Variants in CDH12 observed in about 807,000 individuals in gnomAD.
CDH12 encodes the protein cadherin-12.
A neutral mutation model predicts 74.1 loss-of-function variants in CDH12; 41 were observed. The ratio of observed to expected loss-of-function variants is 0.55; its 90% confidence interval spans 0.43 to 0.72. CDH12 has a LOEUF of 0.72. CDH12 is among the 30% of genes least tolerant of loss of function. CDH12 has a pLI of 0.00. For synonymous variants in CDH12, 399 were observed against 355.0 expected, an observed-to-expected ratio of 1.12 and a Z score of -1.39; for missense variants, 945 against 977.2, an observed-to-expected ratio of 0.97 and a Z score of 0.44.
chr5:22,298,036 G>A (rs1258729349), intron 3 of CDH12, among the ~76,000 whole-genome samples: 2 of 151,228 alleles, frequency 1.3e-5, no homozygotes, highest in African/African-American at 4.8e-5. Flanking sequence ...TTTGTTAATG[G>A]GAAATTCAAA....
chr5:21,805,382 G>A (rs1323446893), intron 9 of CDH12, among the ~76,000 whole-genome samples: 1 of 152,110 alleles, frequency 6.6e-6, no homozygotes, highest in Admixed American at 6.6e-5. Flanking sequence ...TAAAAGAGAT[G>A]AGATGTATTC....
In CDH12 at chr5:21,975,380, A is replaced by G. The variant is rs1390518336; in HGVS notation, c.237T>C (p.His79=). The part of the protein sequence containing the change: ...GSEPQYVGKL[H]SDLDKGEGTV... ...TGCCCTCTCCCTTGTCTAAGTCGGA[A>G]TGGAGCTTTAGGGAAGAGAAGGAGA... Residue 79 remains histidine (H), a synonymous_variant, in exon 6 of 15, where the codon CAT becomes CAC. Transcript: ENST00000382254. The G allele has an allele frequency of 4.4e-6, 7 of 1,589,162 alleles. No individual in the cohort carries two copies. Among genetic ancestry groups the G allele is most frequent in the Non-Finnish European group, 6.0e-6 (7 of 1,176,444 alleles).
chr5:21,913,821 C>G (rs1159197169), intron 6 of CDH12, among the ~76,000 whole-genome samples: 1 of 151,878 alleles, frequency 6.6e-6, no homozygotes, highest in African/African-American at 2.4e-5. Flanking sequence ...TGTAGTGGGA[C>G]TACAGGTATG....
chr5:21,841,931 C>G (rs144186029), intron 8 of CDH12, among the ~76,000 whole-genome samples: 1 of 150,500 alleles, frequency 6.6e-6, no homozygotes. Flanking sequence ...GTGGGTGCAG[C>G]GCACCAGCAT....
At chr5:21,807,609 C>A (rs370261180) in intron 9 of CDH12, among the ~76,000 whole-genome samples, 2 of 152,072 alleles carry the variant, frequency 1.3e-5, no homozygotes, top group East Asian at 3.9e-4. Flanking sequence ...CTGGGCTCTT[C>A]CAGGGCTCCT....
chr5:22,613,931 A>G (rs1189634573), intron 1 of CDH12, among the ~76,000 whole-genome samples: 1 of 152,144 alleles, frequency 6.6e-6, no homozygotes, highest in Non-Finnish European at 1.5e-5. Context: ...CATTTCAATT[A>G]CAAAATGAAT....
intron 3 of CDH12, among the ~76,000 whole-genome samples, chr5:22,381,282 A>G (rs1371412811): frequency 2.0e-5 from 3 of 152,078 alleles, no homozygotes; most frequent in Non-Finnish European, 4.4e-5. Context: ...AATTAGTTAA[A>G]AATTATGCCT....
intron 5 of CDH12, among the ~76,000 whole-genome samples, chr5:22,075,835 T>C (rs1365899166): frequency 6.6e-6 from 1 of 152,096 alleles, no homozygotes; most frequent in Non-Finnish European, 1.5e-5. Context: ...CATTTTTGCA[T>C]TAGCCCTTTT....
chr5:22,196,190 G>A (rs1231793253), intron 4 of CDH12, among the ~76,000 whole-genome samples: 1 of 149,944 alleles, frequency 6.7e-6, no homozygotes, highest in Non-Finnish European at 1.5e-5. Flanking sequence ...CTGTCGCCAG[G>A]CTTGAGTGCA....
At chr5:22,586,777 C>CA (rs1200176848) in intron 1 of CDH12, among the ~76,000 whole-genome samples, 1 of 149,362 alleles carries the variant, frequency 6.7e-6, no homozygotes, top group Non-Finnish European at 1.5e-5. Flanking sequence ...AAGGAGCTAA[C>CA]AGAATGCAAT....
At chr5:22,528,325 G>A (rs969844241) in intron 1 of CDH12, among the ~76,000 whole-genome samples, 1 of 152,090 alleles carries the variant, frequency 6.6e-6, no homozygotes, top group Non-Finnish European at 1.5e-5. Flanking sequence ...CATTGGCAAA[G>A]AAAACTCATG....
intron 10 of CDH12, among the ~76,000 whole-genome samples, chr5:21,801,333 A>C (rs775313401): frequency 6.6e-6 from 1 of 152,174 alleles, no homozygotes; most frequent in African/African-American, 2.4e-5. Flanking sequence ...TGGTTCTTGC[A>C]TAGTAAGCTT....
chr5:22,449,075 T>TAA (rs146180915), intron 2 of CDH12, among the ~76,000 whole-genome samples: 7,246 of 152,102 alleles, frequency 0.048, 243 homozygotes, highest in Non-Finnish European at 0.075. Context: ...TATATATATA[T>TAA]AATGCCTTGA....
intron 6 of CDH12, among the ~76,000 whole-genome samples, chr5:21,938,180 C>T (rs1460611917): frequency 2.0e-5 from 3 of 151,922 alleles, no homozygotes; most frequent in Admixed American, 2.0e-4. Context: ...CCTACTCCAA[C>T]ACCTGGCTCT....
chr5:21,934,996 C>G (rs10036645), intron 6 of CDH12, among the ~76,000 whole-genome samples: 31,926 of 152,102 alleles, frequency 0.21, 5,043 homozygotes, highest in African/African-American at 0.44. Flanking sequence ...TCGTGTTAGC[C>G]AGGATGGTCT....
chr5:22,099,142 G>A (rs1054941300), intron 4 of CDH12, among the ~76,000 whole-genome samples: 1 of 152,126 alleles, frequency 6.6e-6, no homozygotes, highest in Admixed American at 6.5e-5. Context: ...TGGATAAGTA[G>A]AGGCCTTTCC....
rs77084829 is a variant in CDH12, at chr5:21,935,309, T to G, written c.526+39782A>C. Among the ~76,000 whole-genome samples the G allele has an allele frequency of 4.1e-3, 624 of 152,308 alleles. 13 individuals carry two copies. In the East Asian group the frequency reaches 0.063, roughly 15 times the overall value. On this transcript the variant is annotated intron_variant, in intron 6 of 14. Coordinates refer to ENST00000382254, the MANE Select transcript of CDH12 (RefSeq NM_004061.5). ...ATATAATACTAGTTATTAAAAATAT[T>G]TATTCAGTTTAGACATGGCTATGCA... is the stretch of plus-strand genomic sequence containing the variant.
At chr5:22,182,711 A>T (rs192760308) in intron 4 of CDH12, among the ~76,000 whole-genome samples, 1 of 152,258 alleles carries the variant, frequency 6.6e-6, no homozygotes, top group East Asian at 1.9e-4. Flanking sequence ...CAGTTGGGTT[A>T]TAGATGAGAA....
chr5:21,977,062 C>A, intron 5 of CDH12, among the ~76,000 whole-genome samples: 1 of 151,918 alleles, frequency 6.6e-6, no homozygotes, highest in African/African-American at 2.4e-5. Context: ...TGTGACCCTG[C>A]ATTTCCTTCA....
Sources: gnomAD v4.1 joint callset for allele counts (sites outside exome capture counted in the v4.1 genomes callset) on GRCh38, gnomAD v4.1.1 for gene constraint, MANE v1.5 for transcripts, NCBI Gene and HGNC (gene_info 2026-07-23, HGNC 2026-07-21) for gene names.